Variants in RHCE observed in about 807,000 individuals in gnomAD.
RHCE encodes blood group Rh(CE) polypeptide.
A neutral mutation model predicts 43.8 loss-of-function variants in RHCE; 22 were observed. That is an observed-to-expected ratio of 0.50 (90% CI 0.36 to 0.72). The LOEUF is 0.72. Among genes scored for constraint, RHCE ranks in the 30% least tolerant of loss-of-function variants. The probability of loss-of-function intolerance (pLI) is 0.00; values close to 1 mark genes in which losing one functional copy is unlikely to be tolerated. For missense variants in RHCE, 385 were observed against 525.4 expected, an observed-to-expected ratio of 0.73 and a Z score of 2.61; for synonymous variants, 156 against 210.7, an observed-to-expected ratio of 0.74 and a Z score of 2.25.
chr1:25,379,450 A>AGTGTGT (rs1323304546), intron 7 of RHCE, among the ~76,000 whole-genome samples: 41 of 73,324 alleles, frequency 5.6e-4, no homozygotes, highest in African/African-American at 1.7e-3. Context: ...ATAGCACCAA[A>AGTGTGT]GTATATATAT....
chr1:25,414,979 C>T (rs58205210), intron 1 of RHCE, among the ~76,000 whole-genome samples: 2,189 of 152,166 alleles, frequency 0.014, 49 homozygotes, highest in African/African-American at 0.049. Context: ...AATTGATACT[C>T]TCTGCTTCCC....
rs143520054 is a variant in RHCE at position 25,389,063 on chromosome 1, C to T, written c.852G>A (p.Ser284=). The T allele has an allele frequency of 6.6e-5, 107 of 1,614,106 alleles. No individual in the cohort carries two copies. In the East Asian group the frequency reaches 1.1e-3, roughly 16 times the overall value. ...GCCACGGAGAAGGGATCAGGTGACA[C>T]GAGGTACCCACAGCCACGCCTCCTG... ...VLAGGVAVGT[S]CHLIPSPWLA... The change falls in exon 6 of 10, where the codon TCG becomes TCA. Residue 284 remains serine (S), a synonymous_variant. Coordinates refer to ENST00000294413, the MANE Select transcript of RHCE (RefSeq NM_020485.8).
chr1:25,377,352 A>G (rs1645819950), intron 7 of RHCE, among the ~76,000 whole-genome samples: 1 of 151,888 alleles, frequency 6.6e-6, no homozygotes, highest in Non-Finnish European at 1.5e-5. Context: ...AAGAGCCACA[A>G]CGCCCAGCTA....
chr1:25,379,450 A>G (rs1305785183), intron 7 of RHCE, among the ~76,000 whole-genome samples: 1 of 73,334 alleles, frequency 1.4e-5, no homozygotes, highest in Non-Finnish European at 2.7e-5. Flanking sequence ...ATAGCACCAA[A>G]GTATATATAT....
intron 7 of RHCE, among the ~76,000 whole-genome samples, chr1:25,379,499 T>A (rs1390753237): frequency 3.3e-3 from 110 of 33,074 alleles, no homozygotes; most frequent in African/African-American, 0.018. Flanking sequence ...ATATATATTT[T>A]TTTTTTTTTT....
At position 25,391,984 on chromosome 1, in the gene RHCE, T is replaced by C. The variant is rs1157781026; in HGVS notation, c.634+10A>G. ...CAAGTATGAGACCACTCACCCCACCTTGTCCTTACCCAGCATGGCAGACAA... is the reference window on the plus strand; with the variant it reads ...CAAGTATGAGACCACTCACCCCACCCTGTCCTTACCCAGCATGGCAGACAA... On this transcript the variant is annotated intron_variant, in intron 4 of 9. Coordinates refer to ENST00000294413, the MANE Select transcript of RHCE (RefSeq NM_020485.8). 2.5e-6 allele frequency: 4 copies of C among 1,613,634 alleles called. No homozygotes were observed. The highest frequency in any genetic ancestry group is 2.2e-5 in the East Asian group (1 of 44,854).
In RHCE at chr1:25,400,499, C is replaced by T. The variant is rs1363675316; in HGVS notation, c.486+2097G>A. 2.6e-5 allele frequency among the ~76,000 whole-genome samples: 4 copies of T among 151,338 alleles called. No individual in the cohort carries two copies. In the East Asian group the frequency reaches 7.8e-4, roughly 29 times the overall value. On this transcript the variant is annotated intron_variant, in intron 3 of 9. Coordinates refer to ENST00000294413, the MANE Select transcript of RHCE (RefSeq NM_020485.8). The stretch of plus-strand genomic sequence containing the variant: ...TTACACATGTCCCCCCTCTAAAATG[C>T]AGGGTGTTCTAGGACTCAGTCCTCA...
At chr1:25,379,463 A>G (rs1645892878) in intron 7 of RHCE, among the ~76,000 whole-genome samples, 1 of 15,738 alleles carries the variant, frequency 6.4e-5, no homozygotes, top group Non-Finnish European at 1.2e-4. Context: ...ATATATATAT[A>G]TATATATATA....
chr1:25,380,611 T>A (rs2124370940), intron 7 of RHCE, among the ~76,000 whole-genome samples: 1 of 152,324 alleles, frequency 6.6e-6, no homozygotes, highest in Admixed American at 6.5e-5. Context: ...ATTAGTGCCA[T>A]GTGTATGCTG....
chr1:25,386,961 G>A (rs1342162588), intron 6 of RHCE, among the ~76,000 whole-genome samples: 2 of 152,156 alleles, frequency 1.3e-5, no homozygotes, highest in African/African-American at 4.8e-5. Context: ...AACCCAGGAG[G>A]TGGAGGTTGC....
At chr1:25,421,327 G>T (rs538261229), upstream of RHCE, among the ~76,000 whole-genome samples, 1 of 152,296 alleles carries the variant, frequency 6.6e-6, no homozygotes, top group East Asian at 1.9e-4. Context: ...ATACAGATAG[G>T]ACCCACGTAG....
At chr1:25,423,928 C>G (rs561622009), upstream of RHCE, among the ~76,000 whole-genome samples, 31 of 152,350 alleles carry the variant, frequency 2.0e-4, no homozygotes, top group African/African-American at 7.0e-4. Context: ...AAACACTCCT[C>G]CTACCAGATA....
intron 3 of RHCE, among the ~76,000 whole-genome samples, chr1:25,401,751 C>T (rs746271160): frequency 6.6e-5 from 10 of 152,234 alleles, no homozygotes; most frequent in African/African-American, 2.4e-4. Context: ...ATGAATAGCA[C>T]AATCCTACAG....
intron 3 of RHCE, among the ~76,000 whole-genome samples, chr1:25,399,371 G>A (rs1223709576): frequency 6.6e-6 from 1 of 152,124 alleles, no homozygotes; most frequent in African/African-American, 2.4e-5. Flanking sequence ...AAAGGTTTGA[G>A]AGGAATTATA....
intron 3 of RHCE, among the ~76,000 whole-genome samples, chr1:25,394,140 C>T (rs559786578): frequency 6.6e-6 from 1 of 152,186 alleles, no homozygotes; most frequent in African/African-American, 2.4e-5. Context: ...AGGCGCCCAC[C>T]ACTGTGCCCG....
At chr1:25,429,286 G>A (rs1419899046) in intron 1 of RHCE, among the ~76,000 whole-genome samples, 1 of 140,146 alleles carries the variant, frequency 7.1e-6, no homozygotes, top group Non-Finnish European at 1.5e-5. Context: ...TCGAGTAGCT[G>A]GGACTACAGG....
chr1:25,370,503 A>T lies in RHCE; in HGVS notation c.1191T>A (p.His397Gln). The T allele has an allele frequency of 1.2e-6, 2 of 1,612,688 alleles. No homozygotes were observed. The highest frequency in any genetic ancestry group is 8.5e-7 in the Non-Finnish European group (1 of 1,179,356). ...LLNLKIWKAP[H>Q]VAKYFDDQVF... ...CTTGGTCATCAAAATATTTAGCCAC[A>T]TGAGGTGCTTTCCATATTTTGAGAT... is the stretch of plus-strand genomic sequence containing the variant. Residue 397 changes from histidine to glutamine, a missense_variant, in exon 9 of 10, where the codon CAT becomes CAA. By Grantham distance (24) the His-to-Gln change is conservative. Around this residue, in one of 6 missense-constraint regions of RHCE, gnomAD observed 26 missense variants for 37.1 expected, o/e 0.70. Coordinates refer to ENST00000294413, the MANE Select transcript of RHCE (RefSeq NM_020485.8).
In RHCE at chr1:25,406,905, A is replaced by G. The variant is rs1220331273; in HGVS notation, c.335+1778T>C. ...CTCCCAAAGTGCTGGGATTACAGGC[A>G]TGAGCCACCGCGCCCGGCCCCTAAA... On this transcript the variant is annotated intron_variant, in intron 2 of 9. Transcript: ENST00000294413. Among the ~76,000 whole-genome samples the G allele has an allele frequency of 8.4e-5, 10 of 119,556 alleles. 2 individuals are homozygous for G. The highest frequency in any genetic ancestry group is 2.6e-4 in the African/African-American group (10 of 39,058). 78.4% of individuals were successfully genotyped at this position (119,556 alleles called of 152,430 possible). A position where few individuals can be genotyped will look rare whatever the true frequency, so the allele number is the denominator to read the frequency against.
intron 9 of RHCE, 28 bp downstream of exon 9, chr1:25,370,439 T>C (rs749474255): frequency 8.8e-6 from 14 of 1,583,626 alleles, no homozygotes; most frequent in Non-Finnish European, 1.1e-5. Context: ...ACTCAAAATC[T>C]ATCACGTTAA....
Sources: allele counts gnomAD v4.1 joint callset (sites outside exome capture counted in the v4.1 genomes callset), GRCh38; gene constraint gnomAD v4.1.1; regional missense constraint gnomAD v4.1.1; transcripts MANE v1.5; gene names NCBI Gene and HGNC (gene_info 2026-07-23, HGNC 2026-07-21).